Variants in DOCK8 observed in about 807,000 individuals in gnomAD.
DOCK8 encodes dedicator of cytokinesis protein 8.
Under a neutral mutation model 245.6 loss-of-function variants are expected in DOCK8, and 141 were observed. The observed-to-expected ratio is 0.57, with a 90% CI of 0.50 to 0.66. The LOEUF (loss-of-function observed/expected upper bound fraction) is 0.66. DOCK8 is among the 30% of genes least tolerant of loss of function. The pLI is 0.00. For synonymous variants in DOCK8, 1,168 were observed against 970.2 expected, an observed-to-expected ratio of 1.20 and a Z score of -3.79; for missense variants, 2,965 against 2,603.4, an observed-to-expected ratio of 1.14 and a Z score of -3.02.
intron 11 of DOCK8, among the ~76,000 whole-genome samples, 197 bp downstream of exon 11, chr9:334,581 A>G (rs930427652): frequency 1.3e-5 from 2 of 152,198 alleles, no homozygotes; most frequent in Non-Finnish European, 2.9e-5. Context: ...TATCACGAAC[A>G]TTGGTGAAGA....
chr9:319,427 T>C (rs1373835368), intron 7 of DOCK8, among the ~76,000 whole-genome samples: 1 of 152,216 alleles, frequency 6.6e-6, no homozygotes, highest in Admixed American at 6.5e-5. Flanking sequence ...CTCATGTGTT[T>C]TAAATAGTAT....
intron 13 of DOCK8, among the ~76,000 whole-genome samples, chr9:339,377 T>C (rs1028542452): frequency 3.3e-5 from 5 of 152,210 alleles, no homozygotes; most frequent in Non-Finnish European, 7.3e-5. Context: ...GCCCCTTTAA[T>C]CAAATAAAAT....
intron 46 of DOCK8, among the ~76,000 whole-genome samples, chr9:462,948 G>A (rs757099291): frequency 6.6e-6 from 1 of 152,174 alleles, no homozygotes; most frequent in Non-Finnish European, 1.5e-5. Context: ...AAACAAAATA[G>A]AGATAAATGC....
chr9:364,897 A>C (rs1394207631), intron 14 of DOCK8, among the ~76,000 whole-genome samples: 1 of 152,238 alleles, frequency 6.6e-6, no homozygotes, highest in East Asian at 1.9e-4. Flanking sequence ...TGGACCAATC[A>C]AATAGAACAG....
chr9:218,185 T>A (rs1040521253), intron 1 of DOCK8, among the ~76,000 whole-genome samples: 1 of 152,204 alleles, frequency 6.6e-6, no homozygotes, highest in Admixed American at 6.5e-5. Flanking sequence ...AATATGGCCA[T>A]TAGTACATTC....
chr9:245,836 T>C (rs2047493317), intron 1 of DOCK8, among the ~76,000 whole-genome samples: 1 of 152,210 alleles, frequency 6.6e-6, no homozygotes, highest in Admixed American at 6.5e-5. Context: ...AAGATGTAGA[T>C]GCTAAAACTT....
chr9:407,134 G>T, intron 28 of DOCK8, 65 bp downstream of exon 28: 1 of 1,607,040 alleles, frequency 6.2e-7, no homozygotes, highest in Non-Finnish European at 8.5e-7. Context: ...AATAAAATTT[G>T]CAGTCTAGCT....
Position 379,453 on chromosome 9 carries a change from G to C in DOCK8, c.2441-318G>C, listed in dbSNP as rs567798894. Among the ~76,000 whole-genome samples the C allele has an allele frequency of 3.3e-5, 5 of 152,264 alleles. No individual in the cohort carries two copies. The East Asian group carries it at 7.7e-4, about 24-fold the overall frequency. On this transcript the variant is annotated intron_variant, in intron 20 of 47. Coordinates refer to ENST00000432829, the MANE Select transcript of DOCK8 (RefSeq NM_203447.4). ...CAAGCAGGTGATAGTGGTCGTGTGT[G>C]TCCGCAGCCCCCACTGAGTAGCATC...
At chr9:407,620 A>C (rs2055497246) in intron 28 of DOCK8, among the ~76,000 whole-genome samples, 1 of 106,688 alleles carries the variant, frequency 9.4e-6, no homozygotes, top group Admixed American at 9.0e-5. Flanking sequence ...CTAGCCTAGA[A>C]GTCAACAGAC....
In DOCK8 at chr9:384,310, A is replaced by AT. The variant is rs533277265; in HGVS notation, c.2778+1631dup. 2.0e-3 allele frequency among the ~76,000 whole-genome samples: 298 copies of AT among 152,250 alleles called. 3 individuals carry two copies. Among genetic ancestry groups the AT allele is most frequent in the African/African-American group, 7.0e-3 (290 of 41,536 alleles). Reference sequence around the variant, plus strand: ...CTACCACGATGAATTCTTAGCCTGAATTTTTTCTCCAATGATCTGTGGCCT... The same window carrying AT: ...CTACCACGATGAATTCTTAGCCTGAATTTTTTTCTCCAATGATCTGTGGCCT... On this transcript the variant is annotated intron_variant, in intron 22 of 47. Transcript: ENST00000432829.
intron 1 of DOCK8, among the ~76,000 whole-genome samples, chr9:242,383 T>C (rs2131417970): frequency 1.3e-5 from 2 of 152,208 alleles, no homozygotes; most frequent in African/African-American, 4.8e-5. Context: ...TTTGTCCTCA[T>C]TGATAGGAGA....
chr9:286,680 A>T, intron 3 of DOCK8, 44 bp downstream of exon 3: 1 of 1,590,636 alleles, frequency 6.3e-7, no homozygotes, highest in Non-Finnish European at 8.6e-7. Flanking sequence ...GATTGTCATG[A>T]TTGTTTTCAA....
intron 27 of DOCK8, among the ~76,000 whole-genome samples, chr9:405,633 A>G (rs192099700): frequency 6.6e-6 from 1 of 152,332 alleles, no homozygotes; most frequent in Non-Finnish European, 1.5e-5. Flanking sequence ...CTTTAAGAAC[A>G]TGCTGTTTGA....
intron 18 of DOCK8, among the ~76,000 whole-genome samples, chr9:375,626 C>G (rs918015137): frequency 2.6e-5 from 4 of 152,162 alleles, no homozygotes; most frequent in African/African-American, 9.7e-5. Context: ...ACAGATTACA[C>G]CGTTCAGCCC....
intron 30 of DOCK8, among the ~76,000 whole-genome samples, chr9:419,467 C>G (rs975424725): frequency 6.6e-6 from 1 of 152,192 alleles, no homozygotes; most frequent in African/African-American, 2.4e-5. Context: ...GGGAAAAACT[C>G]AAAAGCCCAA....
At position 328,074 on chromosome 9, in the gene DOCK8, T is replaced by TA; in HGVS notation, c.947_948insA (p.Arg317AlafsTer34). 6.2e-7 allele frequency: 1 copy of TA among 1,614,222 alleles called. No homozygotes were observed. Among genetic ancestry groups the TA allele is most frequent in the Non-Finnish European group, 8.5e-7 (1 of 1,180,014 alleles). On this transcript the variant is annotated frameshift_variant, in exon 9 of 48. Transcript: ENST00000432829. LOFTEE classifies it high-confidence loss of function. ...AACTCTGACCAGTTCAAAGGATTTC[T>TA]GCGAGCTCACACGCCTTCAGTGGCC...
chr9:395,315 G>T (rs2054397801), intron 24 of DOCK8, among the ~76,000 whole-genome samples: 1 of 152,126 alleles, frequency 6.6e-6, no homozygotes, highest in Admixed American at 6.5e-5. Context: ...AACACATAAA[G>T]CCTGTGTCTC....
rs566331721 is a variant in DOCK8, at chr9:441,424, G to T, written c.5355+7G>T. 6.2e-7 allele frequency: 1 copy of T among 1,614,032 alleles called. No individual in the cohort carries two copies. On this transcript the variant is annotated splice_region_variant and intron_variant, in intron 41 of 47. Coordinates refer to ENST00000432829, the MANE Select transcript of DOCK8 (RefSeq NM_203447.4). ...CGACAGCATCGTTAACAAGGTAGCCGGGGAGCCTGGCTGGCAGGTCTTGTT... is the reference window on the plus strand; with the variant it reads ...CGACAGCATCGTTAACAAGGTAGCCTGGGAGCCTGGCTGGCAGGTCTTGTT...
chr9:405,128 G>T (rs777259576), intron 27 of DOCK8, 55 bp downstream of exon 27: 13 of 1,517,420 alleles, frequency 8.6e-6, no homozygotes, highest in Non-Finnish European at 1.2e-5. Flanking sequence ...CATTTAACTA[G>T]CTCAGTTTAA....
Sources: allele counts gnomAD v4.1 joint callset (sites outside exome capture counted in the v4.1 genomes callset), GRCh38; gene constraint gnomAD v4.1.1; transcripts MANE v1.5; gene names NCBI Gene and HGNC (gene_info 2026-07-23, HGNC 2026-07-21).